The following ZNF385D variants were observed in gnomAD, a reference collection of about 807,000 sequenced individuals.
ZNF385D encodes the protein zinc finger protein 385D, also known as zinc finger protein 659.
ZNF385D carries 15 observed loss-of-function variants against 35.8 expected under a neutral mutation model. That is an observed-to-expected ratio of 0.42 (90% confidence interval 0.28 to 0.64). The LOEUF (loss-of-function observed/expected upper bound fraction) is 0.64. Among genes scored for constraint, ZNF385D ranks in the 30% least tolerant of loss-of-function variants. The pLI is 0.23. For missense variants in ZNF385D, 474 were observed against 494.6 expected, an observed-to-expected ratio of 0.96 and a Z score of 0.39; for synonymous variants, 212 against 186.8, an observed-to-expected ratio of 1.13 and a Z score of -1.10.
At chr3:21,806,300 G>A (rs2072643926) in intron 3 of ZNF385D, among the ~76,000 whole-genome samples, 1 of 151,458 alleles carries the variant, frequency 6.6e-6, no homozygotes, top group Non-Finnish European at 1.5e-5. Flanking sequence ...ATGCTCATGG[G>A]TTCACGCCAT....
intron 1 of ZNF385D, among the ~76,000 whole-genome samples, chr3:21,673,908 G>A (rs2066648084): frequency 6.6e-6 from 1 of 152,062 alleles, no homozygotes; most frequent in Admixed American, 6.6e-5. Context: ...TTTAAACTAA[G>A]CTAATGTATG....
At chr3:22,320,246 C>T (rs1694350259) in intron 2 of ZNF385D, among the ~76,000 whole-genome samples, 1 of 152,052 alleles carries the variant, frequency 6.6e-6, no homozygotes, top group South Asian at 2.1e-4. Context: ...ATCTGAGTTG[C>T]TCTGCAGCTG....
intron 3 of ZNF385D, among the ~76,000 whole-genome samples, chr3:21,953,057 G>T (rs1702135210): frequency 6.6e-6 from 1 of 151,870 alleles, no homozygotes; most frequent in South Asian, 2.1e-4. Flanking sequence ...AGCTTTATGT[G>T]CTTCGTTGGG....
chr3:21,568,612 C>T (rs1271911541), intron 2 of ZNF385D, among the ~76,000 whole-genome samples: 3 of 152,096 alleles, frequency 2.0e-5, no homozygotes, highest in South Asian at 2.1e-4. Context: ...AGTCGAGGTA[C>T]TACAGCCTAG....
chr3:21,544,469 G>A (rs1453676845), intron 3 of ZNF385D, among the ~76,000 whole-genome samples: 1 of 152,162 alleles, frequency 6.6e-6, no homozygotes, highest in Non-Finnish European at 1.5e-5. Context: ...ATAAGAAGGT[G>A]TGGAAATGTA....
chr3:21,930,598 C>T (rs565023062), intron 3 of ZNF385D, among the ~76,000 whole-genome samples: 9 of 151,966 alleles, frequency 5.9e-5, no homozygotes, highest in South Asian at 2.1e-4. Flanking sequence ...TATAAAGCTA[C>T]GATAATCAAG....
At chr3:22,126,298 TA>T (rs1241501814) in intron 3 of ZNF385D, among the ~76,000 whole-genome samples, 1 of 146,918 alleles carries the variant, frequency 6.8e-6, no homozygotes, top group Non-Finnish European at 1.5e-5. Context: ...TTAGGTTATG[TA>T]TTTGAAAGTT....
intron 2 of ZNF385D, among the ~76,000 whole-genome samples, chr3:21,653,517 G>T (rs888739622): frequency 6.6e-6 from 1 of 151,826 alleles, no homozygotes; most frequent in African/African-American, 2.4e-5. Flanking sequence ...ATATACATAG[G>T]TATATATACA....
At chr3:21,639,986 A>C (rs905275472) in intron 2 of ZNF385D, among the ~76,000 whole-genome samples, 2 of 152,068 alleles carry the variant, frequency 1.3e-5, no homozygotes, top group African/African-American at 4.8e-5. Flanking sequence ...TTTCTGGATT[A>C]TTCTTCTTTT....
chr3:22,179,738 T>C (rs889685827), intron 2 of ZNF385D, among the ~76,000 whole-genome samples: 1 of 152,096 alleles, frequency 6.6e-6, no homozygotes, highest in Non-Finnish European at 1.5e-5. Context: ...TTGAAACCAA[T>C]GAGAACAAAG....
chr3:22,066,581 T>C (rs1455619842), intron 3 of ZNF385D, among the ~76,000 whole-genome samples: 1 of 122,908 alleles, frequency 8.1e-6, no homozygotes, highest in Non-Finnish European at 1.7e-5. Flanking sequence ...TGTGTGTGTG[T>C]AAGTAAAAAG....
intron 2 of ZNF385D, among the ~76,000 whole-genome samples, chr3:22,332,918 C>T (rs556281255): frequency 4.3e-4 from 62 of 144,846 alleles, no homozygotes; most frequent in Middle Eastern, 3.5e-3. Context: ...TTTTTTTTTC[C>T]TGGTGTTTTA....
intron 2 of ZNF385D, among the ~76,000 whole-genome samples, chr3:22,310,950 A>C (rs912633178): frequency 1.3e-5 from 2 of 151,918 alleles, no homozygotes; most frequent in Admixed American, 1.3e-4. Flanking sequence ...TTTTGATGTT[A>C]TAAGTCATTA....
At chr3:21,914,220 G>T (rs903358011) in intron 3 of ZNF385D, among the ~76,000 whole-genome samples, 4 of 152,106 alleles carry the variant, frequency 2.6e-5, no homozygotes, top group Non-Finnish European at 5.9e-5. Flanking sequence ...ATGACATAAT[G>T]TGGTCACTGT....
chr3:21,711,560 A>C (rs2068110248), intron 1 of ZNF385D, among the ~76,000 whole-genome samples: 1 of 152,194 alleles, frequency 6.6e-6, no homozygotes, highest in Non-Finnish European at 1.5e-5. Flanking sequence ...GAACCCATAC[A>C]TCATTGACAT....
chr3:22,134,716 G>C (rs1465206055), intron 3 of ZNF385D, among the ~76,000 whole-genome samples: 1 of 152,150 alleles, frequency 6.6e-6, no homozygotes, highest in Non-Finnish European at 1.5e-5. Flanking sequence ...AGCACTAGAG[G>C]CTGAGAAGTC....
rs1056478355 is a variant in ZNF385D, at chr3:21,855,860, T to C, written c.326-190832A>G. 2.8e-5 allele frequency among the ~76,000 whole-genome samples: 4 copies of C among 144,512 alleles called. No individual in the cohort carries two copies. The Admixed American group carries it at 2.8e-4, about 10-fold the overall frequency. 94.8% of individuals were successfully genotyped at this position (144,512 alleles called of 152,430 possible). A position where few individuals can be genotyped will look rare whatever the true frequency, so the allele number is the denominator to read the frequency against. On this transcript the variant is annotated intron_variant, in intron 3 of 5. Transcript: ENST00000494108. Reference sequence around the variant, plus strand: ...AATTGTGGTGACAACTATAATATCCTATGATTTTTTTTTTAGTTTATTTAC... The same window carrying C: ...AATTGTGGTGACAACTATAATATCCCATGATTTTTTTTTTAGTTTATTTAC...
chr3:21,980,441 G>C (rs903692486), intron 3 of ZNF385D, among the ~76,000 whole-genome samples: 1 of 152,130 alleles, frequency 6.6e-6, no homozygotes, highest in Non-Finnish European at 1.5e-5. Flanking sequence ...TGTAGATAAT[G>C]AGTAATAGTA....
intron 6 of ZNF385D, among the ~76,000 whole-genome samples, chr3:21,424,301 T>TTATTTATATATA (rs1444235124): frequency 1.2e-5 from 1 of 80,152 alleles, no homozygotes; most frequent in African/African-American, 4.7e-5. Context: ...ATATATATAT[T>TTATTTATATATA]TATATATATA....
Sources: allele counts gnomAD v4.1 joint callset (sites outside exome capture counted in the v4.1 genomes callset), GRCh38; gene constraint gnomAD v4.1.1; transcripts MANE v1.5; gene names NCBI Gene and HGNC (gene_info 2026-07-23, HGNC 2026-07-21).